Variants in KAZN observed in about 807,000 individuals in gnomAD.
KAZN encodes the protein kazrin, periplakin interacting protein.
In KAZN, 40 loss-of-function variants were observed where a neutral mutation model predicts 87.4. The observed-to-expected ratio is 0.46, with a 90% CI of 0.36 to 0.60. The LOEUF (loss-of-function observed/expected upper bound fraction) is 0.60. KAZN is among the 20% of genes least tolerant of loss of function. The pLI is 0.00. For missense variants in KAZN, 898 were observed against 1,073.9 expected (o/e 0.84, Z 2.29); for synonymous variants, 466 against 458.3 (o/e 1.02, Z -0.22).
chr1:14,166,670 A>T (rs1645833489), intron 1 of KAZN, among the ~76,000 whole-genome samples: 1 of 152,198 alleles, frequency 6.6e-6, no homozygotes, highest in Admixed American at 6.5e-5. Context: ...TTTGTACTAT[A>T]TATTTTAACA....
At chr1:14,002,252 G>T (rs1378862171) in intron 1 of KAZN, among the ~76,000 whole-genome samples, 1 of 152,206 alleles carries the variant, frequency 6.6e-6, no homozygotes, top group Non-Finnish European at 1.5e-5. Flanking sequence ...ATGAAAAAAA[G>T]CTCAACATCA....
At chr1:14,064,838 T>C (rs971712635) in intron 1 of KAZN, among the ~76,000 whole-genome samples, 2 of 152,112 alleles carry the variant, frequency 1.3e-5, no homozygotes, top group Admixed American at 1.3e-4. Flanking sequence ...CCTGAGTCAG[T>C]GGAGGGGAAC....
At chr1:14,149,783 T>G (rs961190370) in intron 1 of KAZN, among the ~76,000 whole-genome samples, 5 of 152,204 alleles carry the variant, frequency 3.3e-5, no homozygotes, top group African/African-American at 1.2e-4. Context: ...ATGATTTTTT[T>G]AAAAGCCTAA....
chr1:14,295,669 A>G (rs1571243070), intron 2 of KAZN, among the ~76,000 whole-genome samples: 2 of 152,136 alleles, frequency 1.3e-5, no homozygotes, highest in South Asian at 2.1e-4. Flanking sequence ...AAGACACACA[A>G]ACCCATGCAC....
intron 1 of KAZN, among the ~76,000 whole-genome samples, chr1:13,924,575 T>C (rs548854982): frequency 6.6e-6 from 1 of 152,328 alleles, no homozygotes; most frequent in African/African-American, 2.4e-5. Context: ...ATCCCTGTGC[T>C]CACTGAGATA....
At chr1:14,427,742 A>G (rs1485803623) in intron 2 of KAZN, among the ~76,000 whole-genome samples, 1 of 152,222 alleles carries the variant, frequency 6.6e-6, no homozygotes, top group Non-Finnish European at 1.5e-5. Flanking sequence ...TTTGCCGCCC[A>G]CCAAGCAAGT....
intron 1 of KAZN, among the ~76,000 whole-genome samples, chr1:14,875,270 G>T (rs1240967265): frequency 6.8e-6 from 1 of 147,552 alleles, no homozygotes; most frequent in East Asian, 2.0e-4. Context: ...GGCAGAGGTT[G>T]CAGTGGGCCG....
At chr1:14,610,159 G>T (rs902279511) in intron 1 of KAZN, among the ~76,000 whole-genome samples, 1 of 152,168 alleles carries the variant, frequency 6.6e-6, no homozygotes, top group African/African-American at 2.4e-5. Context: ...TTTCAGTGGG[G>T]TTTTACAATC....
chr1:15,079,660 C>G (rs1187388795), intron 8 of KAZN, among the ~76,000 whole-genome samples: 1 of 152,008 alleles, frequency 6.6e-6, no homozygotes, highest in African/African-American at 2.4e-5. Flanking sequence ...GTGTCAAGAT[C>G]CCCCCCTCAC....
At chr1:13,981,837 T>C (rs1160542123) in intron 1 of KAZN, among the ~76,000 whole-genome samples, 2 of 152,136 alleles carry the variant, frequency 1.3e-5, no homozygotes, top group Admixed American at 6.5e-5. Context: ...TAGAAGATGC[T>C]GTGATATGTT....
intron 1 of KAZN, among the ~76,000 whole-genome samples, chr1:14,721,579 A>G (rs541099282): frequency 1.3e-5 from 2 of 152,196 alleles, no homozygotes; most frequent in African/African-American, 2.4e-5. Context: ...TGTGTTGAGT[A>G]TTTACCTCAA....
chr1:14,405,896 C>T (rs1571545814), intron 2 of KAZN, among the ~76,000 whole-genome samples: 1 of 151,998 alleles, frequency 6.6e-6, no homozygotes, highest in East Asian at 1.9e-4. Context: ...TCCATGCCTC[C>T]AAGGAATTGG....
At chr1:13,908,418 TGAC>T (rs1272838515) in intron 1 of KAZN, among the ~76,000 whole-genome samples, 5 of 150,846 alleles carry the variant, frequency 3.3e-5, no homozygotes, top group Non-Finnish European at 5.9e-5. Flanking sequence ...TCTTTGGCCT[TGAC>T]GGCTCTTTGG....
chr1:14,554,303 G>C (rs1419464478), intron 2 of KAZN, among the ~76,000 whole-genome samples: 1 of 152,124 alleles, frequency 6.6e-6, no homozygotes, highest in African/African-American at 2.4e-5. Flanking sequence ...CAGTGAACCT[G>C]GGCAGAGCTG....
intron 2 of KAZN, among the ~76,000 whole-genome samples, chr1:15,000,463 G>A (rs1668352017): frequency 6.6e-6 from 1 of 151,774 alleles, no homozygotes; most frequent in Admixed American, 6.6e-5. Flanking sequence ...CAGAGCCCCC[G>A]TCCCTCCTTG....
chr1:14,677,084 A>G (rs902795132), intron 1 of KAZN, among the ~76,000 whole-genome samples: 3 of 152,096 alleles, frequency 2.0e-5, no homozygotes, highest in African/African-American at 7.2e-5. Context: ...TTTAGTGCCA[A>G]CTGTGTGCCC....
intron 1 of KAZN, among the ~76,000 whole-genome samples, chr1:13,992,047 A>G (rs956621845): frequency 3.3e-5 from 5 of 152,114 alleles, no homozygotes; most frequent in Non-Finnish European, 5.9e-5. Flanking sequence ...GCTAACTTCT[A>G]TTCATCCTTA....
chr1:14,503,722 AT>A (rs1670395449), intron 2 of KAZN, among the ~76,000 whole-genome samples: 1 of 151,784 alleles, frequency 6.6e-6, no homozygotes, highest in African/African-American at 2.4e-5. Flanking sequence ...TATTATTCCC[AT>A]TTTACAGATG....
intron 2 of KAZN, among the ~76,000 whole-genome samples, chr1:14,484,538 C>T (rs562464011): frequency 1.2e-4 from 19 of 152,216 alleles, no homozygotes; most frequent in African/African-American, 4.6e-4. Flanking sequence ...AAAAAAGTAA[C>T]TTCATCTTGT....
Sources: gnomAD v4.1 joint callset for allele counts (sites outside exome capture counted in the v4.1 genomes callset) on GRCh38, gnomAD v4.1.1 for gene constraint, MANE v1.5 for transcripts, NCBI Gene and HGNC (gene_info 2026-07-23, HGNC 2026-07-21) for gene names.